Variants in RIMS2 observed in about 807,000 individuals in gnomAD.
RIMS2 encodes the protein regulating synaptic membrane exocytosis 2, also known as regulating synaptic membrane exocytosis protein 2.
Under a neutral mutation model 174.4 loss-of-function variants are expected in RIMS2, and 59 were observed. The observed-to-expected ratio is 0.34, with a 90% confidence interval of 0.27 to 0.42. The LOEUF is 0.42. Among genes scored for constraint, RIMS2 ranks in the 10% least tolerant of loss-of-function variants. RIMS2 has a pLI of 1.00. For synonymous variants in RIMS2, 606 were observed against 572.5 expected, an observed-to-expected ratio of 1.06 and a Z score of -0.84; for missense variants, 1,620 against 1,666.3, an observed-to-expected ratio of 0.97 and a Z score of 0.48.
intron 15 of RIMS2, among the ~76,000 whole-genome samples, chr8:103,962,283 G>A (rs1439592758): frequency 6.6e-6 from 1 of 151,836 alleles, no homozygotes; most frequent in Admixed American, 6.6e-5. Flanking sequence ...CCTATAAAAG[G>A]AGTTGTATCT....
At chr8:103,866,175 T>C (rs2154505116) in intron 3 of RIMS2, among the ~76,000 whole-genome samples, 1 of 152,276 alleles carries the variant, frequency 6.6e-6, no homozygotes, top group Non-Finnish European at 1.5e-5. Context: ...ATCAACAAAA[T>C]ATTTTCAGAT....
At chr8:104,126,430 T>G (rs2098430746) in intron 19 of RIMS2, among the ~76,000 whole-genome samples, 1 of 152,156 alleles carries the variant, frequency 6.6e-6, no homozygotes, top group African/African-American at 2.4e-5. Context: ...AAATATGACC[T>G]ATGGGGTAAT....
At chr8:104,229,705 GC>G (rs1234400395) in intron 19 of RIMS2, among the ~76,000 whole-genome samples, 46 of 152,236 alleles carry the variant, frequency 3.0e-4, no homozygotes, top group African/African-American at 9.9e-4. Flanking sequence ...GCAGCCAATG[GC>G]ATCCAAGTTC....
chr8:104,204,478 AG>A (rs2099070369), intron 19 of RIMS2, among the ~76,000 whole-genome samples: 1 of 152,130 alleles, frequency 6.6e-6, no homozygotes, highest in Non-Finnish European at 1.5e-5. Flanking sequence ...TCTGCCTTAC[AG>A]GGGTGTTGTA....
At chr8:103,835,008 C>T (rs1337443070) in intron 3 of RIMS2, among the ~76,000 whole-genome samples, 4 of 151,840 alleles carry the variant, frequency 2.6e-5, no homozygotes, top group African/African-American at 9.7e-5. Flanking sequence ...TGGACTCAAG[C>T]GATCTGCCCA....
exon 1 of RIMS2, chr8:103,500,776 T>G: frequency 1.7e-6 from 1 of 590,666 alleles, no homozygotes; most frequent in Non-Finnish European, 2.9e-6. Context: ...AGGCCATTGA[T>G]TTGTATGTAT....
chr8:103,832,884 C>G (rs1332894183), intron 3 of RIMS2, among the ~76,000 whole-genome samples: 1 of 152,110 alleles, frequency 6.6e-6, no homozygotes, highest in African/African-American at 2.4e-5. Context: ...TTTAAGCAGT[C>G]TTATGTATTT....
At chr8:103,931,449 G>A in intron 12 of RIMS2, 56 bp downstream of exon 14, 1 of 1,236,884 alleles carries the variant, frequency 8.1e-7, no homozygotes, top group Non-Finnish European at 1.1e-6. Flanking sequence ...AATGTTCATA[G>A]CAATGGGTAT....
At position 103,962,549 on chromosome 8, in the gene RIMS2, A is replaced by G. The variant is rs185003142; in HGVS notation, c.2770+1416A>G. Among the ~76,000 whole-genome samples the G allele has an allele frequency of 1.2e-4, 19 of 152,340 alleles. No homozygotes were observed. The East Asian group carries it at 3.1e-3, about 25-fold the overall frequency. On this transcript the variant is annotated intron_variant, in intron 15 of 23. Coordinates refer to ENST00000504942, the Ensembl canonical transcript of RIMS2. ...GCCATGAAATATACTATATTTTGCT[A>G]CTTTGAAATCCAATGCGATTTTGAG...
Position 104,094,838 on chromosome 8 carries a change from A to C in RIMS2, c.3334+80223A>C, listed in dbSNP as rs113676673. ...TGCTTTATTTTCTTGTGTTTTATCTATTTAGCTTCTAATATTACTAATTAA... is the reference window on the plus strand; with the variant it reads ...TGCTTTATTTTCTTGTGTTTTATCTCTTTAGCTTCTAATATTACTAATTAA... On this transcript the variant is annotated intron_variant, in intron 19 of 23. Coordinates refer to ENST00000504942, the Ensembl canonical transcript of RIMS2. The C allele has an allele frequency of 1.6e-3, 929 of 578,582 alleles. 8 individuals carry two copies. The highest frequency in any genetic ancestry group is 0.015 in the African/African-American group (804 of 53,278). 35.8% of individuals were successfully genotyped at this position (578,582 alleles called of 1,614,324 possible). A position where few individuals can be genotyped will look rare whatever the true frequency, so the allele number is the denominator to read the frequency against.
At chr8:104,096,660 G>C (rs999389300) in intron 19 of RIMS2, among the ~76,000 whole-genome samples, 25 of 152,038 alleles carry the variant, frequency 1.6e-4, no homozygotes, top group African/African-American at 5.8e-4. Flanking sequence ...ACGAGGTCAG[G>C]AGATCAAGAC....
chr8:103,753,885 G>A (rs1667383002), intron 2 of RIMS2, among the ~76,000 whole-genome samples: 1 of 151,974 alleles, frequency 6.6e-6, no homozygotes, highest in Admixed American at 6.5e-5. Flanking sequence ...ACCAGCTCCT[G>A]GATTCACTGA....
intron 1 of RIMS2, among the ~76,000 whole-genome samples, chr8:103,552,761 C>G (rs1472947766): frequency 6.6e-6 from 1 of 152,154 alleles, no homozygotes. Context: ...AAGAATCAAA[C>G]AACCCCATCA....
intron 19 of RIMS2, among the ~76,000 whole-genome samples, chr8:104,121,067 C>T (rs1599365670): frequency 6.6e-6 from 1 of 152,056 alleles, no homozygotes; most frequent in East Asian, 1.9e-4. Context: ...TACACATAGG[C>T]AATTATGGTA....
chr8:103,930,482 CAGCT>C, intron 11 of RIMS2, among the ~76,000 whole-genome samples: 1 of 152,142 alleles, frequency 6.6e-6, no homozygotes, highest in Admixed American at 6.5e-5. Context: ...TAGAATCAGA[CAGCT>C]AGGTGTGCAG....
intron 19 of RIMS2, among the ~76,000 whole-genome samples, chr8:104,018,179 T>G: frequency 6.6e-6 from 1 of 152,204 alleles, no homozygotes; most frequent in East Asian, 1.9e-4. Flanking sequence ...GGTCTTATAT[T>G]TTTCTTTACT....
chr8:103,732,533 G>A (rs887362923), intron 2 of RIMS2, among the ~76,000 whole-genome samples: 3 of 152,158 alleles, frequency 2.0e-5, no homozygotes, highest in African/African-American at 7.2e-5. Flanking sequence ...TCCTTTCAGT[G>A]TGGTAAGTTT....
At chr8:103,668,653 G>GATTTATTT (rs139537432) in intron 1 of RIMS2, among the ~76,000 whole-genome samples, 6,922 of 149,142 alleles carry the variant, frequency 0.046, 492 homozygotes, top group African/African-American at 0.15. Flanking sequence ...GAGTATAGAC[G>GATTTATTT]ATTTATTTAT....
chr8:104,128,193 CA>C (rs1243901232), intron 19 of RIMS2, among the ~76,000 whole-genome samples: 1 of 152,076 alleles, frequency 6.6e-6, no homozygotes, highest in Non-Finnish European at 1.5e-5. Context: ...AAATTCTTCC[CA>C]GTCACTATCT....
Sources: allele counts gnomAD v4.1 joint callset (sites outside exome capture counted in the v4.1 genomes callset), GRCh38; gene constraint gnomAD v4.1.1; transcripts MANE v1.5; gene names NCBI Gene and HGNC (gene_info 2026-07-23, HGNC 2026-07-21).